PSD3: variants seen among roughly 807,000 people sequenced by gnomAD.
PSD3 encodes the protein pleckstrin and Sec7 domain containing 3, also known as PH and SEC7 domain-containing protein 3.
A neutral mutation model predicts 105.5 loss-of-function variants in PSD3; 49 were observed. The ratio of observed to expected loss-of-function variants is 0.46; its 90% CI spans 0.37 to 0.59. The LOEUF (loss-of-function observed/expected upper bound fraction) is 0.59, where lower values mean the gene tolerates loss of function less well. Among genes scored for constraint, PSD3 ranks in the 20% least tolerant of loss-of-function variants. PSD3 has a pLI of 0.00. For synonymous variants in PSD3, 557 were observed against 457.8 expected (o/e 1.22, Z -2.77); for missense variants, 1,561 against 1,263.8 (o/e 1.24, Z -3.57).
At chr8:18,805,761 T>C (rs536341463) in intron 4 of PSD3, among the ~76,000 whole-genome samples, 25 of 152,210 alleles carry the variant, frequency 1.6e-4, no homozygotes, top group Non-Finnish European at 3.1e-4. Context: ...ATGAAAAGTC[T>C]AAGTATTGGG....
At chr8:18,575,863 C>T (rs1005315236) in intron 12 of PSD3, among the ~76,000 whole-genome samples, 2 of 151,630 alleles carry the variant, frequency 1.3e-5, no homozygotes, top group African/African-American at 4.9e-5. Context: ...AATCAATAAT[C>T]AGGTGAAAGC....
intron 4 of PSD3, among the ~76,000 whole-genome samples, chr8:18,858,482 A>G (rs1049324902): frequency 6.6e-6 from 1 of 152,160 alleles, no homozygotes; most frequent in Non-Finnish European, 1.5e-5. Flanking sequence ...TGCTGCATCA[A>G]TGGACTCTTC....
chr8:18,793,676 C>T (rs962399316), intron 8 of PSD3, among the ~76,000 whole-genome samples: 39 of 152,202 alleles, frequency 2.6e-4, no homozygotes, highest in African/African-American at 7.9e-4. Context: ...TGAATGCCAA[C>T]GATAGCTTTC....
At chr8:18,959,031 C>A (rs1156756875) in intron 1 of PSD3, among the ~76,000 whole-genome samples, 2 of 151,518 alleles carry the variant, frequency 1.3e-5, no homozygotes, top group Admixed American at 1.3e-4. Context: ...AGTGATTCTT[C>A]TGCCTCAGCC....
At chr8:18,941,675 T>TTC (rs1822552396) in intron 1 of PSD3, among the ~76,000 whole-genome samples, 1 of 147,624 alleles carries the variant, frequency 6.8e-6, no homozygotes, top group Admixed American at 6.7e-5. Context: ...CTTTTTTTTT[T>TTC]TTTTTTTTTT....
At chr8:18,900,641 C>T in intron 2 of PSD3, among the ~76,000 whole-genome samples, 1 of 133,788 alleles carries the variant, frequency 7.5e-6, no homozygotes, top group South Asian at 2.5e-4. Context: ...TGAGAGACAA[C>T]TCTTTTTTTT....
chr8:18,933,043 C>T (rs532469245), intron 2 of PSD3, among the ~76,000 whole-genome samples: 3 of 152,214 alleles, frequency 2.0e-5, no homozygotes, highest in South Asian at 2.1e-4. Context: ...ATGTCTTCCA[C>T]GTCTTTGCAC....
At chr8:18,834,803 A>G (rs532838664) in intron 4 of PSD3, among the ~76,000 whole-genome samples, 3 of 152,324 alleles carry the variant, frequency 2.0e-5, no homozygotes, top group Admixed American at 1.3e-4. Context: ...GGGAGGTCTC[A>G]CTGTTCCTTG....
rs114366969 is a variant in PSD3, at chr8:18,747,849, C to T, written c.2172+17600G>A. Among the ~76,000 whole-genome samples, 995 of 151,600 alleles carry T rather than the reference C, an allele frequency of 6.6e-3. 9 individuals carry two copies. Among genetic ancestry groups the T allele is most frequent in the African/African-American group, 0.023 (947 of 41,294 alleles). ...AGAAAAAAAAAGACACAGAAGAAGACGAGTTTCCTTTTGCAGGCCTCTAAT... is the reference window on the plus strand; with the variant it reads ...AGAAAAAAAAAGACACAGAAGAAGATGAGTTTCCTTTTGCAGGCCTCTAAT... On this transcript the variant is annotated intron_variant, in intron 9 of 15. Coordinates refer to ENST00000327040, the MANE Select transcript of PSD3 (RefSeq NM_015310.4).
intron 9 of PSD3, among the ~76,000 whole-genome samples, chr8:18,731,266 A>T (rs1803729752): frequency 6.6e-6 from 1 of 152,202 alleles, no homozygotes; most frequent in East Asian, 1.9e-4. Flanking sequence ...CAAAAACAAA[A>T]AACAAAAAAC....
intron 11 of PSD3, among the ~76,000 whole-genome samples, chr8:18,616,623 C>CTTTTTTTTTTT (rs1215460486): frequency 1.7e-4 from 17 of 98,508 alleles, no homozygotes; most frequent in Middle Eastern, 6.6e-3. Context: ...CCTCTCTTTT[C>CTTTTTTTTTTT]TTTTCTTTTT....
At chr8:18,988,485 C>T (rs973405346) in intron 1 of PSD3, among the ~76,000 whole-genome samples, 1 of 152,188 alleles carries the variant, frequency 6.6e-6, no homozygotes, top group Non-Finnish European at 1.5e-5. Flanking sequence ...CATTTCTAGG[C>T]CATTGCCCTT....
At chr8:19,050,809 A>C (rs1463671342) in intron 1 of PSD3, among the ~76,000 whole-genome samples, 1 of 152,182 alleles carries the variant, frequency 6.6e-6, no homozygotes, top group Admixed American at 6.5e-5. Context: ...CACATTGTGC[A>C]TATGTACCCT....
intron 15 of PSD3, among the ~76,000 whole-genome samples, chr8:18,536,991 C>G (rs906216752): frequency 6.6e-6 from 1 of 152,194 alleles, no homozygotes; most frequent in Middle Eastern, 3.2e-3. Flanking sequence ...TTTGACTATA[C>G]ATCCGTCTTA....
intron 14 of PSD3, among the ~76,000 whole-genome samples, chr8:18,564,783 C>G (rs1325262503): frequency 1.3e-5 from 2 of 152,118 alleles, no homozygotes; most frequent in African/African-American, 2.4e-5. Flanking sequence ...GCTCCACTCA[C>G]CTGGCTCTGA....
chr8:18,559,432 T>C (rs1246808147), intron 14 of PSD3, among the ~76,000 whole-genome samples: 1 of 152,198 alleles, frequency 6.6e-6, no homozygotes, highest in Non-Finnish European at 1.5e-5. Context: ...GGACCCATTT[T>C]TCTATTGGGT....
intron 11 of PSD3, among the ~76,000 whole-genome samples, chr8:18,600,941 A>T (rs956268714): frequency 6.6e-6 from 1 of 152,174 alleles, no homozygotes; most frequent in Non-Finnish European, 1.5e-5. Context: ...CCAGAGTGCA[A>T]GTTTAAATGT....
In PSD3 at chr8:18,867,906, G is replaced by A. The variant is rs375192713; in HGVS notation, c.1402C>T (p.Pro468Ser). 1.2e-6 allele frequency: 2 copies of A among 1,614,160 alleles called. No homozygotes were observed. The highest frequency in any genetic ancestry group is 1.1e-5 in the South Asian group (1 of 91,084). The change falls in exon 4 of 16, where the codon CCT (proline) becomes TCT (serine). Residue 468 changes from proline (P) to serine (S), a missense_variant. By Grantham distance (74) the Pro-to-Ser change is moderately conservative. Coordinates refer to ENST00000327040, the MANE Select transcript of PSD3 (RefSeq NM_015310.4). ...ATTTCAAAGCTAAAATAGCTATCAG[G>A]CTCTGAGTATAATGTCTCCAGGGAC... ...AESLETLYSE[P>S]DSYFSFEMPL...
intron 9 of PSD3, among the ~76,000 whole-genome samples, chr8:18,665,838 G>A (rs1157685345): frequency 2.6e-5 from 4 of 152,146 alleles, no homozygotes; most frequent in East Asian, 1.9e-4. Flanking sequence ...GTGAGACAGC[G>A]AGACCCAGTC....
Sources: allele counts gnomAD v4.1 joint callset (sites outside exome capture counted in the v4.1 genomes callset), GRCh38; gene constraint gnomAD v4.1.1; transcripts MANE v1.5; gene names NCBI Gene and HGNC (gene_info 2026-07-23, HGNC 2026-07-21).